The following CHST15 variants were observed in gnomAD, a reference collection of about 807,000 sequenced individuals.
CHST15 encodes B cell RAG associated protein (GALNAC4S-6ST).
CHST15 carries 30 observed loss-of-function variants against 53.6 expected under a neutral mutation model. The ratio of observed to expected loss-of-function variants is 0.56; its 90% CI spans 0.42 to 0.76. CHST15 has a LOEUF of 0.76. Ranked by LOEUF, CHST15 falls within the 30% of genes least tolerant of loss-of-function variation. The probability of loss-of-function intolerance (pLI) is 0.00; values close to 1 mark genes in which losing one functional copy is unlikely to be tolerated. For synonymous variants in CHST15, 296 were observed against 289.8 expected (o/e 1.02, Z -0.22); for missense variants, 627 against 740.5 (o/e 0.85, Z 1.78).
In CHST15 at chr10:124,046,152, CCTG is replaced by C; in HGVS notation, c.58_60del (p.Gln20del). On this transcript the variant is annotated inframe_deletion, in exon 2 of 8. Coordinates refer to ENST00000435907, the MANE Select transcript of CHST15 (RefSeq NM_001270764.2). ...TGATGGGGGCCCCCTTGGCAGTTGA[CCTG>C]CTGCTTGTGTGCGCCGTCGGGTAAC... 6.2e-7 allele frequency: 1 copy of C among 1,614,068 alleles called. No individual in the cohort carries two copies. Among genetic ancestry groups the C allele is most frequent in the Non-Finnish European group, 8.5e-7 (1 of 1,179,980 alleles).
chr10:124,049,440 C>T (rs1202338948), intron 1 of CHST15, among the ~76,000 whole-genome samples: 2 of 152,218 alleles, frequency 1.3e-5, no homozygotes, highest in Non-Finnish European at 2.9e-5. Context: ...AAGACCAAGC[C>T]TCAGTGAGCA....
At chr10:124,030,425 C>T (rs1564863755) in intron 5 of CHST15, among the ~76,000 whole-genome samples, 3 of 152,206 alleles carry the variant, frequency 2.0e-5, no homozygotes, top group African/African-American at 7.2e-5. Context: ...GTAGTCCTCA[C>T]AAGGACCCTT....
intron 1 of CHST15, among the ~76,000 whole-genome samples, chr10:124,054,743 A>G (rs1327056597): frequency 6.6e-6 from 1 of 152,218 alleles, no homozygotes; most frequent in Non-Finnish European, 1.5e-5. Context: ...AAATGATCTC[A>G]GTCTCCTACT....
chr10:124,022,833 T>A (rs1319431296), intron 5 of CHST15, among the ~76,000 whole-genome samples: 1 of 148,902 alleles, frequency 6.7e-6, no homozygotes. Context: ...TTTTTTTTTT[T>A]TGAGACAGAG....
At chr10:124,079,850 G>A (rs907826595) in intron 1 of CHST15, among the ~76,000 whole-genome samples, 3 of 152,144 alleles carry the variant, frequency 2.0e-5, no homozygotes, top group Admixed American at 6.6e-5. Flanking sequence ...CCCTCCAAAG[G>A]GTTCCCGCTC....
chr10:124,089,882 G>A (rs1009048194), intron 1 of CHST15, among the ~76,000 whole-genome samples: 1 of 152,208 alleles, frequency 6.6e-6, no homozygotes, highest in African/African-American at 2.4e-5. Flanking sequence ...AGGCTCAGCT[G>A]TAGGATCTAT....
intron 6 of CHST15, chr10:124,020,702 G>A (rs1011077537): frequency 1.0e-5 from 10 of 997,770 alleles, no homozygotes; most frequent in Admixed American, 1.1e-4. Flanking sequence ...AAACTATCCC[G>A]GGGCTAAAAG....
chr10:124,045,130 A>C (rs1287090941), intron 2 of CHST15, among the ~76,000 whole-genome samples: 4 of 148,898 alleles, frequency 2.7e-5, no homozygotes, highest in Non-Finnish European at 3.0e-5. Context: ...AAAAAAAAAA[A>C]AAAAAAAAAA....
chr10:124,030,679 G>C (rs1386914275), intron 5 of CHST15, among the ~76,000 whole-genome samples: 2 of 152,210 alleles, frequency 1.3e-5, no homozygotes, highest in African/African-American at 4.8e-5. Context: ...ATCTGTTCTA[G>C]AGAAAACATC....
At chr10:124,071,795 A>G (rs1325631475) in intron 1 of CHST15, among the ~76,000 whole-genome samples, 1 of 152,242 alleles carries the variant, frequency 6.6e-6, no homozygotes, top group African/African-American at 2.4e-5. Context: ...AAAGTTTTCT[A>G]ATAACTGAAT....
At chr10:124,047,712 G>A (rs901437305) in intron 1 of CHST15, among the ~76,000 whole-genome samples, 3 of 152,214 alleles carry the variant, frequency 2.0e-5, no homozygotes, top group African/African-American at 4.8e-5. Flanking sequence ...GCTACTACAT[G>A]TAAACAGTTT....
intron 4 of CHST15, among the ~76,000 whole-genome samples, chr10:124,042,070 T>G (rs762725608): frequency 1.3e-5 from 2 of 152,246 alleles, no homozygotes; most frequent in Non-Finnish European, 2.9e-5. Context: ...TGTCCTTAAG[T>G]CTCCAAAGAA....
intron 1 of CHST15, among the ~76,000 whole-genome samples, chr10:124,082,487 C>A (rs2134221255): frequency 6.6e-6 from 1 of 152,280 alleles, no homozygotes; most frequent in East Asian, 1.9e-4. Flanking sequence ...AAGAACAAAG[C>A]CTTTTCTAGG....
chr10:124,041,163 C>T (rs958684932), intron 4 of CHST15, among the ~76,000 whole-genome samples: 3 of 152,334 alleles, frequency 2.0e-5, no homozygotes, highest in Non-Finnish European at 4.4e-5. Flanking sequence ...GACTTAGGCA[C>T]ATAAGTCTGT....
Position 124,008,036 on chromosome 10 carries a change from C to G in CHST15, c.*2113G>C. ...CATGTCTGGATGGCATTGAGTGGCA[C>G]AGAAGGGATGGGACTGCATATATAA... On this transcript the variant is annotated 3_prime_UTR_variant, in exon 8 of 8. Transcript: ENST00000435907. 8.1e-7 allele frequency: 1 copy of G among 1,232,062 alleles called. No individual in the cohort carries two copies. The highest frequency in any genetic ancestry group is 1.0e-6 in the Non-Finnish European group (1 of 987,962). 76.3% of individuals were successfully genotyped at this position (1,232,062 alleles called of 1,614,324 possible). A position where few individuals can be genotyped will look rare whatever the true frequency, so the allele number is the denominator to read the frequency against.
chr10:124,080,054 C>T (rs921810924), intron 1 of CHST15, among the ~76,000 whole-genome samples: 1 of 152,150 alleles, frequency 6.6e-6, no homozygotes, highest in Non-Finnish European at 1.5e-5. Flanking sequence ...AGTGAGAGGA[C>T]AGGGATGTTG....
chr10:124,066,430 ACCT>A (rs1038853957), intron 1 of CHST15, among the ~76,000 whole-genome samples: 1 of 150,088 alleles, frequency 6.7e-6, no homozygotes, highest in Admixed American at 6.7e-5. Context: ...ACTGACCCAC[ACCT>A]CCTCTTATGT....
intron 4 of CHST15, 87 bp from the exon 5 acceptor site, chr10:124,038,758 C>G: frequency 7.2e-7 from 1 of 1,381,228 alleles, no homozygotes; most frequent in South Asian, 1.2e-5. Context: ...ACACCTGGCC[C>G]CGATGCCTTC....
Position 124,054,525 on chromosome 10 carries a change from G to A in CHST15, c.-512-7801C>T, listed in dbSNP as rs74474343. Reference sequence around the variant, plus strand: ...AATATGCAGCCAGCGCCTCCCCTGCGTCCTGAGCTCACTGATTCTCAACTT... The same window carrying A: ...AATATGCAGCCAGCGCCTCCCCTGCATCCTGAGCTCACTGATTCTCAACTT... On this transcript the variant is annotated intron_variant, in intron 1 of 7. Transcript: ENST00000435907. Among the ~76,000 whole-genome samples, 1,196 of 152,246 alleles carry A rather than the reference G, an allele frequency of 7.9e-3. 12 individuals carry two copies. The highest frequency in any genetic ancestry group is 0.028 in the African/African-American group (1,143 of 41,536).
Sources: allele counts gnomAD v4.1 joint callset (sites outside exome capture counted in the v4.1 genomes callset), GRCh38; gene constraint gnomAD v4.1.1; transcripts MANE v1.5; gene names NCBI Gene and HGNC (gene_info 2026-07-23, HGNC 2026-07-21).